Variants in DTNA observed in about 807,000 individuals in gnomAD.
The protein encoded by DTNA is dystrophin-related protein 3.
Under a neutral mutation model 100.7 loss-of-function variants are expected in DTNA, and 43 were observed. The observed-to-expected ratio is 0.43, with a 90% CI of 0.33 to 0.55. The LOEUF is 0.55. Among genes scored for constraint, DTNA ranks in the 20% least tolerant of loss-of-function variants. DTNA has a pLI of 0.04. For synonymous variants in DTNA, 349 were observed against 347.9 expected (o/e 1.00, Z -0.04); for missense variants, 798 against 953.9 (o/e 0.84, Z 2.15).
In DTNA at chr18:34,701,929, A is replaced by G. The variant is rs150103290; in HGVS notation, c.-1-54047A>G. Among the ~76,000 whole-genome samples the G allele has an allele frequency of 2.2e-3, 332 of 152,296 alleles. 2 individuals carry two copies. Among genetic ancestry groups the G allele is most frequent in the African/African-American group, 7.4e-3 (307 of 41,568 alleles). ...CACTATCCACCCTTTCCTCTGTCCC[A>G]TCCACTCTTCACACCATAGACAGAG... is the stretch of plus-strand genomic sequence containing the variant. On this transcript the variant is annotated intron_variant, in intron 1 of 19. Transcript: ENST00000283365.
chr18:34,745,871 G>A (rs912717265), intron 1 of DTNA, among the ~76,000 whole-genome samples: 2 of 152,054 alleles, frequency 1.3e-5, no homozygotes, highest in African/African-American at 2.4e-5. Flanking sequence ...TTTTGGTGGG[G>A]TCCATACCTT....
At position 34,573,120 on chromosome 18, in the gene DTNA, A is replaced by G. The variant is rs113606475; in HGVS notation, c.-2+79606A>G. 6.4e-3 allele frequency among the ~76,000 whole-genome samples: 975 copies of G among 152,310 alleles called. 4 individuals are homozygous for G. Among genetic ancestry groups the G allele is most frequent in the South Asian group, 0.013 (65 of 4,828 alleles). On this transcript the variant is annotated intron_variant, in intron 1 of 19. Coordinates refer to the DTNA transcript ENST00000283365. ...CCCTTTTGCTCTGCTCCCATGTCAC[A>G]TATACAATTAACTTTGCACCTGGCA...
chr18:34,817,553 TA>T (rs1356412903), intron 7 of DTNA, among the ~76,000 whole-genome samples: 2 of 151,812 alleles, frequency 1.3e-5, no homozygotes, highest in East Asian at 1.9e-4. Flanking sequence ...ACATCTTTTT[TA>T]GGGCCCTATA....
intron 17 of DTNA, chr18:34,868,162 A>G: frequency 2.1e-6 from 1 of 473,954 alleles, no homozygotes. Flanking sequence ...AGCAAAAAAA[A>G]AAAAAAAAGG....
intron 1 of DTNA, among the ~76,000 whole-genome samples, chr18:34,623,832 C>G (rs1281548337): frequency 1.3e-5 from 2 of 152,196 alleles, no homozygotes; most frequent in African/African-American, 4.8e-5. Context: ...CAGTGTTGTT[C>G]TCTGAAAGCT....
chr18:34,637,013 G>T (rs2058737196), intron 1 of DTNA, among the ~76,000 whole-genome samples: 1 of 152,132 alleles, frequency 6.6e-6, no homozygotes, highest in Non-Finnish European at 1.5e-5. Flanking sequence ...AGAGAAGAGA[G>T]AATAAAATTG....
intron 1 of DTNA, among the ~76,000 whole-genome samples, chr18:34,713,416 A>C (rs1047268991): frequency 1.3e-5 from 2 of 152,168 alleles, no homozygotes; most frequent in Non-Finnish European, 2.9e-5. Flanking sequence ...TAAGCGATAG[A>C]GGCTGTCATC....
chr18:34,876,041 A>T (rs1253390521), intron 18 of DTNA, among the ~76,000 whole-genome samples: 1 of 152,226 alleles, frequency 6.6e-6, no homozygotes, highest in Non-Finnish European at 1.5e-5. Flanking sequence ...ATAGAGAATA[A>T]TAATAAAAAA....
chr18:34,685,379 C>A (rs2078737716), intron 1 of DTNA, among the ~76,000 whole-genome samples: 1 of 152,136 alleles, frequency 6.6e-6, no homozygotes, highest in African/African-American at 2.4e-5. Flanking sequence ...TTCCCAACAC[C>A]ATTTATTAAA....
intron 16 of DTNA, among the ~76,000 whole-genome samples, chr18:34,862,749 A>G (rs2096645650): frequency 1.3e-5 from 2 of 152,200 alleles, no homozygotes; most frequent in East Asian, 1.9e-4. Flanking sequence ...ACAATCAGCT[A>G]TGATTATGCC....
At chr18:34,788,418 A>AC (rs916576738) in intron 3 of DTNA, among the ~76,000 whole-genome samples, 11 of 151,752 alleles carry the variant, frequency 7.2e-5, no homozygotes, top group Admixed American at 1.3e-4. Flanking sequence ...ATCTCATTTG[A>AC]CCCCCCCAAA....
At chr18:34,734,087 A>G (rs1405136397) in intron 1 of DTNA, among the ~76,000 whole-genome samples, 1 of 151,974 alleles carries the variant, frequency 6.6e-6, no homozygotes, top group East Asian at 1.9e-4. Context: ...GCACCTCCTC[A>G]TGGGTCACAC....
intron 3 of DTNA, among the ~76,000 whole-genome samples, chr18:34,769,397 T>G (rs988456059): frequency 6.6e-6 from 1 of 152,170 alleles, no homozygotes; most frequent in African/African-American, 2.4e-5. Context: ...AGGAAAGTAA[T>G]TTTAGTCTGC....
chr18:34,495,598 C>T (rs1343378641), intron 1 of DTNA, among the ~76,000 whole-genome samples: 3 of 152,130 alleles, frequency 2.0e-5, no homozygotes, highest in Admixed American at 2.0e-4. Flanking sequence ...GAGAGTTGGG[C>T]GGTTTTAAAA....
intron 1 of DTNA, among the ~76,000 whole-genome samples, chr18:34,634,056 T>C (rs1268892917): frequency 6.6e-6 from 1 of 152,166 alleles, no homozygotes; most frequent in East Asian, 1.9e-4. Context: ...AAAGAAAACA[T>C]AGTGCATATC....
At chr18:34,541,289 T>A (rs1255169227) in intron 1 of DTNA, among the ~76,000 whole-genome samples, 1 of 152,066 alleles carries the variant, frequency 6.6e-6, no homozygotes. Context: ...ATACATGTTG[T>A]CAAAAGAGAA....
At chr18:34,688,152 A>G (rs964667979) in intron 1 of DTNA, among the ~76,000 whole-genome samples, 8 of 152,238 alleles carry the variant, frequency 5.3e-5, no homozygotes, top group Middle Eastern at 3.4e-3. Flanking sequence ...TTTAAGGTTA[A>G]TATTGTTATG....
intron 13 of DTNA, among the ~76,000 whole-genome samples, chr18:34,845,664 T>G (rs2096364130): frequency 6.6e-6 from 1 of 152,152 alleles, no homozygotes; most frequent in South Asian, 2.1e-4. Context: ...GTGGGGTAGT[T>G]TGACGTCGAA....
At chr18:34,556,486 C>T (rs1444532431) in intron 1 of DTNA, among the ~76,000 whole-genome samples, 2 of 151,664 alleles carry the variant, frequency 1.3e-5, no homozygotes, top group East Asian at 3.9e-4. Context: ...TACATTTTGG[C>T]ATGATTTTGC....
Sources: gnomAD v4.1 joint callset for allele counts (sites outside exome capture counted in the v4.1 genomes callset) on GRCh38, gnomAD v4.1.1 for gene constraint, MANE v1.5 for transcripts, NCBI Gene and HGNC (gene_info 2026-07-23, HGNC 2026-07-21) for gene names.